Variants in PDGFC observed in about 807,000 individuals in gnomAD.
PDGFC encodes platelet derived growth factor C.
PDGFC carries 12 observed loss-of-function variants against 35.5 expected under a neutral mutation model. That is an observed-to-expected ratio of 0.34 (90% CI 0.22 to 0.55). The LOEUF (loss-of-function observed/expected upper bound fraction) is 0.55, where lower values mean the gene tolerates loss of function less well. Among genes scored for constraint, PDGFC ranks in the 20% least tolerant of loss-of-function variants. The pLI is 0.91. For missense variants in PDGFC, 322 were observed against 412.4 expected (o/e 0.78, Z 1.90); for synonymous variants, 159 against 148.8 (o/e 1.07, Z -0.50).
At chr4:156,811,747 T>C (rs189383404) in intron 2 of PDGFC, among the ~76,000 whole-genome samples, 7 of 152,120 alleles carry the variant, frequency 4.6e-5, no homozygotes, top group African/African-American at 1.7e-4. Flanking sequence ...CAACTTTTGG[T>C]TTGGAAGGTT....
chr4:156,873,678 T>A (rs1307487621), intron 1 of PDGFC, among the ~76,000 whole-genome samples: 1 of 152,166 alleles, frequency 6.6e-6, no homozygotes, highest in East Asian at 1.9e-4. Context: ...ATGCAATTTC[T>A]TAAATGTAAT....
At chr4:156,889,323 C>T (rs114591442) in intron 1 of PDGFC, among the ~76,000 whole-genome samples, 2,242 of 152,266 alleles carry the variant, frequency 0.015, 21 homozygotes, top group South Asian at 0.018. Flanking sequence ...ATTCATATCA[C>T]ATTTTATACT....
At chr4:156,859,189 GA>G (rs1391380623) in intron 1 of PDGFC, among the ~76,000 whole-genome samples, 1 of 151,908 alleles carries the variant, frequency 6.6e-6, no homozygotes, top group Non-Finnish European at 1.5e-5. Flanking sequence ...TAAGAAAATA[GA>G]AACATATTCA....
chr4:156,814,081 C>A (rs1198226867), intron 2 of PDGFC, among the ~76,000 whole-genome samples: 1 of 152,050 alleles, frequency 6.6e-6, no homozygotes, highest in East Asian at 1.9e-4. Flanking sequence ...TCACATGAGG[C>A]ATGCTCTTTC....
chr4:156,907,977 G>T (rs995541776), intron 1 of PDGFC, among the ~76,000 whole-genome samples: 1 of 152,108 alleles, frequency 6.6e-6, no homozygotes. Context: ...GACCAGCCTG[G>T]CCAATATGGT....
chr4:156,802,206 TAA>T (rs1158337092), intron 3 of PDGFC, among the ~76,000 whole-genome samples: 2 of 152,126 alleles, frequency 1.3e-5, no homozygotes, highest in East Asian at 3.9e-4. Context: ...TTTGGCAACA[TAA>T]ACTTCTAAAT....
intron 1 of PDGFC, among the ~76,000 whole-genome samples, chr4:156,863,982 C>CTGTT (rs891630971): frequency 6.6e-6 from 1 of 151,924 alleles, no homozygotes; most frequent in Non-Finnish European, 1.5e-5. Flanking sequence ...GCCAAAGCTT[C>CTGTT]TGTTTGTTTC....
chr4:156,792,229 T>C (rs1199593537), intron 3 of PDGFC, among the ~76,000 whole-genome samples: 4 of 152,126 alleles, frequency 2.6e-5, no homozygotes, highest in Non-Finnish European at 4.4e-5. Context: ...CTAATATCTA[T>C]ATAATATACA....
chr4:156,824,327 T>TATACACATATACACATAC (rs1491500876), intron 2 of PDGFC, among the ~76,000 whole-genome samples: 215 of 102,552 alleles, frequency 2.1e-3, no homozygotes, highest in African/African-American at 4.9e-3. Context: ...TATATATATA[T>TATACACATATACACATAC]ACACACACAC....
intron 3 of PDGFC, among the ~76,000 whole-genome samples, chr4:156,788,816 CTGAT>C (rs1190917264): frequency 7.2e-5 from 11 of 152,280 alleles, no homozygotes; most frequent in African/African-American, 2.4e-4. Flanking sequence ...TCCTTATTCA[CTGAT>C]GCAGAAATAT....
intron 4 of PDGFC, among the ~76,000 whole-genome samples, chr4:156,771,713 T>C (rs1730698134): frequency 6.6e-6 from 1 of 152,104 alleles, no homozygotes; most frequent in Non-Finnish European, 1.5e-5. Flanking sequence ...TCTGACAAGG[T>C]TTAGAAGAGC....
intron 1 of PDGFC, among the ~76,000 whole-genome samples, chr4:156,854,125 T>A (rs1428725713): frequency 6.6e-6 from 1 of 152,238 alleles, no homozygotes; most frequent in Non-Finnish European, 1.5e-5. Flanking sequence ...TATAGTAATT[T>A]ATAAAAATAA....
intron 1 of PDGFC, among the ~76,000 whole-genome samples, chr4:156,944,800 T>C (rs1181632578): frequency 6.6e-6 from 1 of 152,114 alleles, no homozygotes; most frequent in Non-Finnish European, 1.5e-5. Flanking sequence ...CTTGCTCCCC[T>C]ACAGTGTATT....
chr4:156,902,399 G>A (rs1730810732), intron 1 of PDGFC, among the ~76,000 whole-genome samples: 1 of 152,078 alleles, frequency 6.6e-6, no homozygotes, highest in Admixed American at 6.5e-5. Context: ...TCACAATCCT[G>A]TATCCCTCCT....
At chr4:156,791,009 T>C (rs995156461) in intron 3 of PDGFC, among the ~76,000 whole-genome samples, 1 of 152,200 alleles carries the variant, frequency 6.6e-6, no homozygotes, top group African/African-American at 2.4e-5. Context: ...CAGGGATTTT[T>C]CCTAGGATCA....
At chr4:156,865,214 G>A (rs895405563) in intron 1 of PDGFC, among the ~76,000 whole-genome samples, 9 of 125,030 alleles carry the variant, frequency 7.2e-5, no homozygotes, top group Non-Finnish European at 1.0e-4. Context: ...ACACACACAC[G>A]CAGATACAAA....
In PDGFC at chr4:156,762,261, A is replaced by G. The variant is rs1249271262; in HGVS notation, c.*829T>C. 6.6e-6 allele frequency: 1 copy of G among 152,670 alleles called. No homozygotes were observed. Among genetic ancestry groups the G allele is most frequent in the Non-Finnish European group, 1.5e-5 (1 of 68,044 alleles). 9.5% of individuals were successfully genotyped at this position (152,670 alleles called of 1,614,324 possible). A position where few individuals can be genotyped will look rare whatever the true frequency, so the allele number is the denominator to read the frequency against. ...TAGAAAAATTTACCAAGCTAAAAATAGTTGATCTAAGTTGTCATAAAAAAG... is the reference window on the plus strand; with the variant it reads ...TAGAAAAATTTACCAAGCTAAAAATGGTTGATCTAAGTTGTCATAAAAAAG... On this transcript the variant is annotated 3_prime_UTR_variant, in exon 6 of 6. Transcript: ENST00000502773.
chr4:156,901,148 G>C (rs1219466639), intron 1 of PDGFC, among the ~76,000 whole-genome samples: 1 of 152,118 alleles, frequency 6.6e-6, no homozygotes, highest in African/African-American at 2.4e-5. Flanking sequence ...TAAAAATACT[G>C]ATCTGAGACC....
At chr4:156,847,624 T>C (rs963092892) in intron 2 of PDGFC, among the ~76,000 whole-genome samples, 12 of 141,614 alleles carry the variant, frequency 8.5e-5, no homozygotes, top group African/African-American at 2.8e-4. Context: ...AATAATACTG[T>C]ATGAATATTG....
Sources: allele counts gnomAD v4.1 joint callset (sites outside exome capture counted in the v4.1 genomes callset), GRCh38; gene constraint gnomAD v4.1.1; transcripts MANE v1.5; gene names NCBI Gene and HGNC (gene_info 2026-07-23, HGNC 2026-07-21).